Variants in NRXN3 observed in about 807,000 individuals in gnomAD.
NRXN3 encodes neurexin 3.
In NRXN3, 32 loss-of-function variants were observed where a neutral mutation model predicts 137.6. The ratio of observed to expected loss-of-function variants is 0.23; its 90% CI spans 0.18 to 0.31. The LOEUF (loss-of-function observed/expected upper bound fraction) is 0.31, where lower values mean the gene tolerates loss of function less well. NRXN3 is among the 10% of genes least tolerant of loss of function. The probability of loss-of-function intolerance (pLI) is 1.00; values close to 1 mark genes in which losing one functional copy is unlikely to be tolerated. For synonymous variants in NRXN3, 798 were observed against 784.5 expected (o/e 1.02, Z -0.29); for missense variants, 1,574 against 2,062.5 (o/e 0.76, Z 4.59).
At chr14:78,507,875 C>T (rs1162102644) in intron 4 of NRXN3, among the ~76,000 whole-genome samples, 1 of 152,144 alleles carries the variant, frequency 6.6e-6, no homozygotes, top group Non-Finnish European at 1.5e-5. Context: ...TAATTTCTGC[C>T]TATCACTGGC....
intron 16 of NRXN3, among the ~76,000 whole-genome samples, chr14:79,488,627 A>G (rs1410058846): frequency 6.6e-6 from 1 of 152,186 alleles, no homozygotes; most frequent in East Asian, 1.9e-4. Flanking sequence ...TGATAACTTG[A>G]TGCTGGTGAT....
chr14:78,897,161 G>A (rs1597125610), intron 10 of NRXN3, among the ~76,000 whole-genome samples: 1 of 151,912 alleles, frequency 6.6e-6, no homozygotes, highest in East Asian at 1.9e-4. Flanking sequence ...ACCGATGTCA[G>A]GATTCACTTT....
intron 15 of NRXN3, among the ~76,000 whole-genome samples, chr14:79,139,256 C>T (rs899269247): frequency 3.3e-5 from 5 of 152,142 alleles, no homozygotes; most frequent in Non-Finnish European, 5.9e-5. Context: ...AAATTAAAGA[C>T]ATAGTGTCAT....
At chr14:78,373,095 C>A (rs536241875) in intron 4 of NRXN3, among the ~76,000 whole-genome samples, 1 of 152,322 alleles carries the variant, frequency 6.6e-6, no homozygotes, top group African/African-American at 2.4e-5. Flanking sequence ...GCTCAGATAA[C>A]CTTGTCCTGT....
At chr14:79,829,768 A>T (rs2099317244) in intron 20 of NRXN3, among the ~76,000 whole-genome samples, 1 of 152,172 alleles carries the variant, frequency 6.6e-6, no homozygotes, top group African/African-American at 2.4e-5. Context: ...TATGGTAACA[A>T]CATCATCTAT....
intron 15 of NRXN3, among the ~76,000 whole-genome samples, chr14:79,356,886 G>A (rs1233007599): frequency 6.6e-6 from 1 of 151,986 alleles, no homozygotes; most frequent in Non-Finnish European, 1.5e-5. Flanking sequence ...GTGCCACCAG[G>A]CCTAGCTAAT....
intron 4 of NRXN3, among the ~76,000 whole-genome samples, chr14:78,404,485 G>A (rs1458829391): frequency 6.6e-6 from 1 of 152,066 alleles, no homozygotes; most frequent in Non-Finnish European, 1.5e-5. Flanking sequence ...CACCTGGGTC[G>A]GCTTTCTTGG....
intron 15 of NRXN3, among the ~76,000 whole-genome samples, chr14:79,058,906 T>C (rs1050359682): frequency 6.6e-6 from 1 of 152,192 alleles, no homozygotes; most frequent in Non-Finnish European, 1.5e-5. Context: ...CCATTCACCT[T>C]ACGCCGTGAT....
At chr14:79,249,090 G>A (rs1568777961) in intron 15 of NRXN3, 1 of 152,226 alleles carries the variant, frequency 6.6e-6, no homozygotes, top group Non-Finnish European at 1.5e-5. Flanking sequence ...TGGTGAGAGG[G>A]AGTTCTGCTC....
At chr14:79,068,377 C>T (rs1472850855) in intron 15 of NRXN3, among the ~76,000 whole-genome samples, 1 of 151,936 alleles carries the variant, frequency 6.6e-6, no homozygotes, top group African/African-American at 2.4e-5. Flanking sequence ...AAGACTGAGA[C>T]CCTCAATGTT....
At chr14:79,010,209 A>G (rs2099568706) in intron 15 of NRXN3, among the ~76,000 whole-genome samples, 1 of 152,194 alleles carries the variant, frequency 6.6e-6, no homozygotes. Context: ...GGTAGTCTCT[A>G]AATCCAATTA....
chr14:79,003,475 A>T (rs1038873140), intron 15 of NRXN3, among the ~76,000 whole-genome samples: 9 of 152,220 alleles, frequency 5.9e-5, no homozygotes, highest in Non-Finnish European at 8.8e-5. Flanking sequence ...CCCTAATTCA[A>T]AACGCTTTGA....
Position 79,696,684 on chromosome 14 carries a change from G to GT in NRXN3, c.3707-940dup, listed in dbSNP as rs1462288267. On this transcript the variant is annotated intron_variant, in intron 18 of 20. Coordinates refer to ENST00000335750, the MANE Select transcript of NRXN3 (RefSeq NM_001330195.2). ...ATTCTTCTAAACTCTATACTGGTAT[G>GT]TTTTTTCATTTTGATACTTTTCAGA... Among the ~76,000 whole-genome samples the GT allele has an allele frequency of 2.6e-5, 4 of 151,964 alleles. No individual in the cohort carries two copies. The South Asian group carries it at 8.3e-4, about 32-fold the overall frequency.
intron 4 of NRXN3, among the ~76,000 whole-genome samples, chr14:78,606,813 A>G (rs2097257020): frequency 6.6e-6 from 1 of 152,194 alleles, no homozygotes; most frequent in Admixed American, 6.5e-5. Flanking sequence ...CCAAAACATG[A>G]CCTTTTCCAC....
intron 15 of NRXN3, among the ~76,000 whole-genome samples, chr14:79,185,135 C>A (rs2063371677): frequency 6.6e-6 from 1 of 152,120 alleles, no homozygotes; most frequent in African/African-American, 2.4e-5. Flanking sequence ...TTCTAATAAG[C>A]TATTTCTTAT....
intron 15 of NRXN3, among the ~76,000 whole-genome samples, chr14:79,371,830 A>T (rs1264421584): frequency 2.0e-5 from 3 of 152,138 alleles, no homozygotes; most frequent in African/African-American, 7.2e-5. Context: ...TGCTGTTTTT[A>T]TTGTAGGTAT....
intron 15 of NRXN3, among the ~76,000 whole-genome samples, chr14:79,124,370 G>A (rs963843218): frequency 6.6e-6 from 1 of 152,152 alleles, no homozygotes; most frequent in African/African-American, 2.4e-5. Flanking sequence ...GCTAAGAGCA[G>A]GTCATGGTCC....
intron 4 of NRXN3, among the ~76,000 whole-genome samples, chr14:78,627,055 G>C (rs781741630): frequency 6.7e-6 from 1 of 148,370 alleles, no homozygotes; most frequent in Non-Finnish European, 1.5e-5. Context: ...CACTCTCTTA[G>C]CTTTTTTGTT....
At chr14:79,396,769 T>A (rs894058945) in intron 15 of NRXN3, among the ~76,000 whole-genome samples, 1 of 152,228 alleles carries the variant, frequency 6.6e-6, no homozygotes, top group African/African-American at 2.4e-5. Context: ...ATGATTAATG[T>A]CAGAGGGAAG....
Sources: allele counts gnomAD v4.1 joint callset (sites outside exome capture counted in the v4.1 genomes callset), GRCh38; gene constraint gnomAD v4.1.1; transcripts MANE v1.5; gene names NCBI Gene and HGNC (gene_info 2026-07-23, HGNC 2026-07-21).